FREM2: variants seen among roughly 807,000 people sequenced by gnomAD.
FREM2 encodes FRAS1 related extracellular matrix 2, also known as FRAS1-related extracellular matrix protein 2.
FREM2 carries 119 observed loss-of-function variants against 219.9 expected under a neutral mutation model. The ratio of observed to expected loss-of-function variants is 0.54; its 90% CI spans 0.47 to 0.63. The LOEUF is 0.63. Among genes scored for constraint, FREM2 ranks in the 30% least tolerant of loss-of-function variants. The pLI is 0.00. For missense variants in FREM2, 4,030 were observed against 3,993.6 expected, an observed-to-expected ratio of 1.01 and a Z score of -0.25; for synonymous variants, 1,562 against 1,522.8, an observed-to-expected ratio of 1.03 and a Z score of -0.60.
At chr13:38,726,210 G>A (rs532398652) in intron 2 of FREM2, among the ~76,000 whole-genome samples, 49 of 152,194 alleles carry the variant, frequency 3.2e-4, no homozygotes, top group African/African-American at 9.9e-4. Context: ...TGACTGGCTC[G>A]TTTTTAATAA....
At chr13:38,770,814 A>G (rs912285526) in intron 4 of FREM2, among the ~76,000 whole-genome samples, 1 of 152,142 alleles carries the variant, frequency 6.6e-6, no homozygotes, top group Non-Finnish European at 1.5e-5. Flanking sequence ...ATTCCCCGTC[A>G]TACTTCTACA....
chr13:38,802,181 C>T (rs1185502795), intron 6 of FREM2, among the ~76,000 whole-genome samples: 8 of 152,286 alleles, frequency 5.3e-5, no homozygotes, highest in African/African-American at 4.8e-5. Flanking sequence ...GTTGTTCCCC[C>T]GCCACCAGTG....
intron 6 of FREM2, among the ~76,000 whole-genome samples, chr13:38,792,144 T>G (rs929243314): frequency 6.6e-6 from 1 of 152,072 alleles, no homozygotes; most frequent in Non-Finnish European, 1.5e-5. Flanking sequence ...GTCAGGAGTT[T>G]GAGACCAGCC....
chr13:38,810,769 C>A (rs1036351933), intron 6 of FREM2, among the ~76,000 whole-genome samples: 4 of 151,738 alleles, frequency 2.6e-5, no homozygotes, highest in African/African-American at 9.7e-5. Context: ...GATATTAGCC[C>A]ATAGTTTTCT....
chr13:38,779,360 G>T (rs536637384), intron 4 of FREM2: 1 of 151,612 alleles, frequency 6.6e-6, no homozygotes, highest in East Asian at 1.9e-4. Context: ...AAACCTACAC[G>T]TTCTGCACTT....
intron 6 of FREM2, among the ~76,000 whole-genome samples, chr13:38,806,771 T>A (rs571676566): frequency 7.9e-5 from 12 of 151,992 alleles, no homozygotes; most frequent in Admixed American, 2.0e-4. Context: ...CACCTTGTGA[T>A]ACTATTTGAT....
intron 2 of FREM2, among the ~76,000 whole-genome samples, chr13:38,715,191 G>A (rs751624964): frequency 1.3e-5 from 2 of 152,104 alleles, no homozygotes; most frequent in Non-Finnish European, 2.9e-5. Flanking sequence ...TTATTTAAAT[G>A]TGTTTTGTCA....
In FREM2 at chr13:38,856,681, T is replaced by C. The variant is rs149915751; in HGVS notation, c.7056+425T>C. On this transcript the variant is annotated intron_variant, in intron 12 of 23. Coordinates refer to ENST00000280481, the MANE Select transcript of FREM2 (RefSeq NM_207361.6). ...AGCTAACCCTCCAAATCAAAGTCTG[T>C]TTCTCCTGGCTTTATCAGAATTTGA... Among the ~76,000 whole-genome samples, 139 of 148,196 alleles carry C rather than the reference T, an allele frequency of 9.4e-4. 1 individual carries two copies. In the East Asian group the frequency reaches 0.024, roughly 26 times the overall value.
intron 10 of FREM2, 72 bp from the exon 11 acceptor site, chr13:38,851,614 A>T: frequency 8.3e-7 from 1 of 1,205,134 alleles, no homozygotes; most frequent in South Asian, 1.2e-5. Context: ...ACATGGAAAC[A>T]AACATTAGAA....
intron 6 of FREM2, among the ~76,000 whole-genome samples, chr13:38,843,748 G>C (rs930657279): frequency 6.6e-6 from 1 of 152,064 alleles, no homozygotes; most frequent in Non-Finnish European, 1.5e-5. Flanking sequence ...TCAAATTGTA[G>C]ATATTTTGAA....
rs200067311 is a variant in FREM2 at position 38,878,670 on chromosome 13, T to TA, written c.8860-153dup. 9.3e-4 allele frequency among the ~76,000 whole-genome samples: 141 copies of TA among 151,782 alleles called. 1 individual carries two copies. In the East Asian group the frequency reaches 0.024, roughly 26 times the overall value. ...GGTGACAGAGAAGGTCCCCGTCTCT[T>TA]AAAAAAAATAGAAAAACCAACAAAA... On this transcript the variant is annotated intron_variant, in intron 22 of 23. Transcript: ENST00000280481.
chr13:38,786,754 A>G (rs1874347978), intron 6 of FREM2, among the ~76,000 whole-genome samples: 1 of 152,212 alleles, frequency 6.6e-6, no homozygotes, highest in Non-Finnish European at 1.5e-5. Flanking sequence ...AGTACAGAAA[A>G]AAACATTTAT....
chr13:38,777,231 T>C (rs138076788), intron 4 of FREM2, among the ~76,000 whole-genome samples: 203 of 152,252 alleles, frequency 1.3e-3, no homozygotes, highest in Non-Finnish European at 2.6e-3. Flanking sequence ...CTCAAAATAT[T>C]TGTTTCTAAC....
intron 3 of FREM2, among the ~76,000 whole-genome samples, chr13:38,768,183 T>G (rs1873516233): frequency 6.6e-6 from 1 of 152,238 alleles, no homozygotes; most frequent in Non-Finnish European, 1.5e-5. Context: ...AAGTATAATT[T>G]TTAACTAAAT....
At chr13:38,813,503 TC>T (rs1875592956) in intron 6 of FREM2, among the ~76,000 whole-genome samples, 2 of 16,634 alleles carry the variant, frequency 1.2e-4, no homozygotes, top group African/African-American at 2.2e-4. Flanking sequence ...TCTCTCTCTC[TC>T]TCTCTCTCTC....
At position 38,769,614 on chromosome 13, in the gene FREM2, A is replaced by G. The variant is rs747617529; in HGVS notation, c.5447A>G (p.Lys1816Arg). ...GTRDRTAEKD[K>R]DFKGKAQKQV... Reference sequence around the variant, plus strand: ...AGAGACAGAACTGCAGAAAAAGACAAAGACTTCAAGGGCAAAGCACAGAAA... The same window carrying G: ...AGAGACAGAACTGCAGAAAAAGACAGAGACTTCAAGGGCAAAGCACAGAAA... Residue 1816 changes from lysine to arginine, a missense_variant, in exon 4 of 24, where the codon AAA (lysine) becomes AGA (arginine). By Grantham distance (26) the Lys-to-Arg change is conservative. This residue lies in a region of FREM2 where 3,102 missense variants were observed against 2,950.7 expected (regional missense o/e 1.05). Transcript: ENST00000280481. 1.2e-6 allele frequency: 2 copies of G among 1,614,144 alleles called. No individual in the cohort carries two copies. Among genetic ancestry groups the G allele is most frequent in the East Asian group, 2.2e-5 (1 of 44,860 alleles).
chr13:38,784,614 G>A lies in FREM2; in HGVS notation c.5825G>A (p.Arg1942Lys), dbSNP rs779361689. 2.5e-6 allele frequency: 4 copies of A among 1,614,034 alleles called. No individual in the cohort carries two copies. The South Asian group carries it at 3.3e-5, about 13-fold the overall frequency. Residue 1942 changes from arginine to lysine, a missense_variant, in exon 6 of 24, where the codon AGG becomes AAG. Coordinates refer to ENST00000280481, the MANE Select transcript of FREM2 (RefSeq NM_207361.6). ...SVLSYSDYISRPEDHTSVVRF... is the reference protein window; with the variant it reads ...SVLSYSDYISKPEDHTSVVRF... The stretch of plus-strand genomic sequence containing the variant: ...TTGTCTTACTCTGATTACATATCCA[G>A]GCCTGAGGACCACACCAGTGTTGTC...
rs2496425 is a variant in FREM2 at position 38,690,553 on chromosome 13, T to C, written c.3209T>C (p.Phe1070Ser). The C allele has an allele frequency of 0.3, 489,753 of 1,613,692 alleles. 84,064 individuals are homozygous for C. Among genetic ancestry groups the C allele is most frequent in the African/African-American group, 0.76 (56,776 of 74,966 alleles). Reference protein sequence around the residue: ...LPVDSQAPEIFVGEQLIVMEG... With the variant: ...LPVDSQAPEISVGEQLIVMEG... The stretch of plus-strand genomic sequence containing the variant: ...GTTGATAGCCAGGCCCCAGAAATCT[T>C]TGTAGGTGAACAGTTGATAGTAATG... The change falls in exon 1 of 24, where the codon TTT becomes TCT. Residue 1070 changes from phenylalanine to serine, a missense_variant. This residue lies in a region of FREM2 where 3,102 missense variants were observed against 2,950.7 expected (regional missense o/e 1.05). Transcript: ENST00000280481.
chr13:38,702,808 C>T (rs1258196201), intron 2 of FREM2, among the ~76,000 whole-genome samples: 1 of 152,108 alleles, frequency 6.6e-6, no homozygotes, highest in Non-Finnish European at 1.5e-5. Flanking sequence ...GTTCTGCCTG[C>T]TGAGTTTGGC....
Sources: allele counts gnomAD v4.1 joint callset (sites outside exome capture counted in the v4.1 genomes callset), GRCh38; gene constraint gnomAD v4.1.1; regional missense constraint gnomAD v4.1.1; transcripts MANE v1.5; gene names NCBI Gene and HGNC (gene_info 2026-07-23, HGNC 2026-07-21).